The following YLPM1 variants were observed in gnomAD, a reference collection of about 807,000 sequenced individuals.
YLPM1 encodes the protein YLP motif containing 1, also known as YLP motif-containing protein 1.
YLPM1 carries 99 observed loss-of-function variants against 230.0 expected under a neutral mutation model. The ratio of observed to expected loss-of-function variants is 0.43; its 90% CI spans 0.37 to 0.51. The LOEUF is 0.51. YLPM1 is among the 20% of genes least tolerant of loss of function. YLPM1 has a pLI of 0.00. For missense variants in YLPM1, 2,592 were observed against 2,707.7 expected (o/e 0.96, Z 0.95); for synonymous variants, 984 against 942.5 (o/e 1.04, Z -0.81).
At chr14:74,827,863 T>C (rs2091578078) in intron 18 of YLPM1, 1 of 985,276 alleles carries the variant, frequency 1.0e-6, no homozygotes, top group Admixed American at 6.2e-5. Flanking sequence ...CGGCCCGTCA[T>C]ATACACGTAG....
intron 20 of YLPM1, 68 bp downstream of exon 20, chr14:74,835,515 CA>C: frequency 2.1e-6 from 3 of 1,412,202 alleles, no homozygotes; most frequent in Non-Finnish European, 2.9e-6. Context: ...ATAAAGAAGA[CA>C]GCATATTTTG....
intron 18 of YLPM1, among the ~76,000 whole-genome samples, chr14:74,825,142 C>T (rs2091552170): frequency 6.6e-6 from 1 of 152,044 alleles, no homozygotes; most frequent in South Asian, 2.1e-4. Flanking sequence ...GTATTATACT[C>T]CAAAACTAAA....
At chr14:74,833,427 A>G (rs893426728) in intron 19 of YLPM1, among the ~76,000 whole-genome samples, 74 of 151,946 alleles carry the variant, frequency 4.9e-4, no homozygotes, top group African/African-American at 1.7e-3. Flanking sequence ...TAATTTTTGT[A>G]TTTTTAGTAG....
At chr14:74,803,754 G>A (rs2091351027) in intron 6 of YLPM1, among the ~76,000 whole-genome samples, 1 of 152,050 alleles carries the variant, frequency 6.6e-6, no homozygotes, top group Non-Finnish European at 1.5e-5. Flanking sequence ...TTGCTGATTT[G>A]TCCTACCCTG....
At chr14:74,828,138 TTC>T (rs2091580392) in intron 18 of YLPM1, 3 of 398,490 alleles carry the variant, frequency 7.5e-6, no homozygotes, top group South Asian at 1.0e-4. Flanking sequence ...AACTCACCCT[TTC>T]TGCCACTGCT....
rs761620582 is a variant in YLPM1, at chr14:74,798,762, G to A, written c.3465G>A (p.Arg1155=). 6.2e-7 allele frequency: 1 copy of A among 1,613,598 alleles called. No individual in the cohort carries two copies. Among genetic ancestry groups the A allele is most frequent in the South Asian group, 1.1e-5 (1 of 91,048 alleles). ...GPPRGPGSRE[R]GLGRSDFGRD... The stretch of plus-strand genomic sequence containing the variant: ...CTCGAGGGCCTGGCAGTCGAGAAAG[G>A]GGACTGGGAAGATCAGATTTTGGTC... Residue 1155 remains arginine, a synonymous_variant, in exon 5 of 21, where the codon AGG becomes AGA. Transcript: ENST00000325680.
chr14:74,785,517 T>TA (rs1161529868), intron 4 of YLPM1, among the ~76,000 whole-genome samples: 2 of 152,174 alleles, frequency 1.3e-5, no homozygotes, highest in African/African-American at 4.8e-5. Flanking sequence ...TGTAACTAGG[T>TA]AAAAAATCAG....
chr14:74,807,600 A>G (rs1361543814), intron 6 of YLPM1, among the ~76,000 whole-genome samples: 4 of 152,254 alleles, frequency 2.6e-5, no homozygotes, highest in Non-Finnish European at 5.9e-5. Flanking sequence ...AAGAAGTCCT[A>G]CCATCTCCAT....
chr14:74,832,805 C>T (rs138150386), intron 19 of YLPM1, among the ~76,000 whole-genome samples: 4 of 152,182 alleles, frequency 2.6e-5, no homozygotes, highest in Admixed American at 1.3e-4. Flanking sequence ...AACATTTATT[C>T]GCAAACATAC....
intron 2 of YLPM1, among the ~76,000 whole-genome samples, chr14:74,779,187 A>G (rs1331780513): frequency 2.0e-5 from 3 of 152,110 alleles, no homozygotes; most frequent in African/African-American, 7.2e-5. Context: ...GTTTGAGTGA[A>G]GAGTTGGATA....
In YLPM1 at chr14:74,781,798, A is replaced by G; in HGVS notation, c.1755A>G (p.Ala585=). ...GGATGCCTCCTTCTCTCTCTTCTGC[A>G]GGGCCACCACCAGTTCTCCCCCCAC... ...PPGMPPSLSS[A]GPPPVLPPPS... Residue 585 remains alanine, a synonymous_variant, in exon 4 of 21, where the codon GCA becomes GCG. Coordinates refer to ENST00000325680, the MANE Select transcript of YLPM1 (RefSeq NM_019589.3). The G allele has an allele frequency of 1.2e-6, 2 of 1,605,414 alleles. No individual in the cohort carries two copies. The highest frequency in any genetic ancestry group is 1.1e-5 in the South Asian group (1 of 90,722).
intron 2 of YLPM1, 150 bp from the exon 3 acceptor site, chr14:74,780,255 T>A (rs1430276540): frequency 3.4e-6 from 3 of 894,798 alleles, no homozygotes; most frequent in Non-Finnish European, 4.9e-6. Flanking sequence ...ATAGAATAGC[T>A]GTTCTCAATC....
At chr14:74,834,174 C>G (rs1454816368) in intron 19 of YLPM1, among the ~76,000 whole-genome samples, 1 of 140,906 alleles carries the variant, frequency 7.1e-6, no homozygotes, top group African/African-American at 2.7e-5. Context: ...CATAGTGAGA[C>G]TCTGACTCTA....
rs527674336 is a variant in YLPM1 at position 74,830,940 on chromosome 14, CA to C, written c.6294+1598del. On this transcript the variant is annotated intron_variant, in intron 19 of 20. Transcript: ENST00000325680. Reference sequence around the variant, plus strand: ...ATTTGAAGGGGACAAACATCCAAACCATAATGTCTTTACTGATGGATGCTTA... The same window carrying C: ...ATTTGAAGGGGACAAACATCCAAACCTAATGTCTTTACTGATGGATGCTTA... 1.2e-4 allele frequency among the ~76,000 whole-genome samples: 18 copies of C among 150,650 alleles called. No homozygotes were observed. The South Asian group carries it at 3.7e-3, about 31-fold the overall frequency.
Position 74,799,528 on chromosome 14 carries a change from G to C in YLPM1, c.4231G>C (p.Asp1411His), listed in dbSNP as rs751602665. The C allele has an allele frequency of 1.1e-5, 18 of 1,613,822 alleles. No individual in the cohort carries two copies. Among genetic ancestry groups the C allele is most frequent in the Non-Finnish European group, 1.5e-5 (18 of 1,179,888 alleles). ...LSDRWYPSDV[D>H]RHSPMAEHMP... is the part of the protein sequence containing the mutation. ...AGACAGATGGTACCCATCTGATGTG[G>C]ATAGACATTCCCCCATGGCGGAACA... The change falls in exon 5 of 21, where the codon GAT (aspartate) becomes CAT (histidine). Residue 1411 changes from aspartate to histidine, a missense_variant. This residue lies in a region of YLPM1 where 1,862 missense variants were observed against 1,819.8 expected (regional missense o/e 1.02). Coordinates refer to ENST00000325680, the MANE Select transcript of YLPM1 (RefSeq NM_019589.3).
At chr14:74,764,441 T>C in intron 1 of YLPM1, 79 bp downstream of exon 1, 6 of 1,447,330 alleles carry the variant, frequency 4.1e-6, no homozygotes, top group Non-Finnish European at 5.5e-6. Context: ...TAACCAGTGG[T>C]TAGTCTAATT....
At chr14:74,830,248 A>G (rs1326741911) in intron 19 of YLPM1, among the ~76,000 whole-genome samples, 1 of 152,188 alleles carries the variant, frequency 6.6e-6, no homozygotes, top group Non-Finnish European at 1.5e-5. Context: ...ATAAGAAATG[A>G]TGAAGTACAG....
Position 74,782,005 on chromosome 14 carries a change from C to G in YLPM1, c.1962C>G (p.Ala654=). The G allele has an allele frequency of 6.2e-7, 1 of 1,613,892 alleles. No individual in the cohort carries two copies. The highest frequency in any genetic ancestry group is 8.5e-7 in the Non-Finnish European group (1 of 1,179,824). Residue 654 remains alanine, a synonymous_variant, in exon 4 of 21, where the codon GCC becomes GCG. Transcript: ENST00000325680. ...PQLTAAPVPP[A]SSSQSSQVPE... Reference sequence around the variant, plus strand: ...TAACAGCAGCCCCAGTTCCACCAGCCTCCAGTTCACAGAGCTCGCAAGTTC... The same window carrying G: ...TAACAGCAGCCCCAGTTCCACCAGCGTCCAGTTCACAGAGCTCGCAAGTTC...
intron 5 of YLPM1, among the ~76,000 whole-genome samples, chr14:74,801,088 T>TC (rs1184938821): frequency 1.1e-4 from 16 of 152,238 alleles, no homozygotes; most frequent in Admixed American, 1.0e-3. Flanking sequence ...TCTTTTTTTT[T>TC]CCTTTTTAAA....
Sources: gnomAD v4.1 joint callset for allele counts (sites outside exome capture counted in the v4.1 genomes callset) on GRCh38, gnomAD v4.1.1 for gene constraint, gnomAD v4.1.1 regional missense constraint, MANE v1.5 for transcripts, NCBI Gene and HGNC (gene_info 2026-07-23, HGNC 2026-07-21) for gene names.